KCTD1: variants seen among roughly 807,000 people sequenced by gnomAD.
KCTD1 encodes potassium channel tetramerization domain containing 1.
Under a neutral mutation model 66.0 loss-of-function variants are expected in KCTD1, and 24 were observed. That is an observed-to-expected ratio of 0.36 (90% CI 0.26 to 0.51). The LOEUF is 0.51. KCTD1 is among the 20% of genes least tolerant of loss of function. KCTD1 has a pLI of 0.95. For missense variants in KCTD1, 943 were observed against 1,205.2 expected (o/e 0.78, Z 3.22); for synonymous variants, 511 against 517.2 (o/e 0.99, Z 0.16).
At chr18:26,643,764 C>T (rs572996977), upstream of KCTD1, among the ~76,000 whole-genome samples, 352 of 152,284 alleles carry the variant, frequency 2.3e-3, 2 homozygotes, top group Non-Finnish European at 3.9e-3. Context: ...AGATGGAGAC[C>T]ATCCTGGCTA....
At chr18:26,632,593 T>A (rs759903425), upstream of KCTD1, among the ~76,000 whole-genome samples, 20 of 152,092 alleles carry the variant, frequency 1.3e-4, no homozygotes, top group Non-Finnish European at 2.8e-4. Context: ...TTTAAAAAAA[T>A]TAGAATTAGT....
intron 3 of KCTD1, among the ~76,000 whole-genome samples, chr18:26,463,262 C>G (rs1245210855): frequency 6.6e-6 from 1 of 152,056 alleles, no homozygotes; most frequent in African/African-American, 2.4e-5. Context: ...TCAAGACCAG[C>G]CTGGGCAACG....
intron 3 of KCTD1, among the ~76,000 whole-genome samples, chr18:26,465,838 C>T (rs1452991315): frequency 6.6e-6 from 1 of 152,176 alleles, no homozygotes; most frequent in Non-Finnish European, 1.5e-5. Context: ...GGCTGCTCTT[C>T]CATCCTCCCA....
intron 2 of KCTD1, among the ~76,000 whole-genome samples, chr18:26,485,943 T>G (rs1047829610): frequency 6.6e-6 from 1 of 151,764 alleles, no homozygotes; most frequent in African/African-American, 2.4e-5. Context: ...TCCTTTTTTT[T>G]TTTTTTTTTG....
intron 1 of KCTD1, among the ~76,000 whole-genome samples, chr18:26,504,460 A>G (rs1982927516): frequency 6.6e-6 from 1 of 152,136 alleles, no homozygotes; most frequent in Admixed American, 6.5e-5. Context: ...TGAACTCGTG[A>G]GCTCAAAGTG....
At chr18:26,616,989 A>C (rs961475746) in intron 1 of KCTD1, among the ~76,000 whole-genome samples, 2 of 152,260 alleles carry the variant, frequency 1.3e-5, no homozygotes, top group Non-Finnish European at 1.5e-5. Context: ...TGTGGAAAAC[A>C]AGCAAACCTT....
At chr18:26,469,670 G>A (rs899427616) in intron 3 of KCTD1, among the ~76,000 whole-genome samples, 6 of 151,992 alleles carry the variant, frequency 3.9e-5, no homozygotes, top group Non-Finnish European at 7.4e-5. Flanking sequence ...TTATATACAC[G>A]TTTTGTATTT....
chr18:26,475,328 A>AT (rs1981285249), intron 3 of KCTD1, among the ~76,000 whole-genome samples: 1 of 152,208 alleles, frequency 6.6e-6, no homozygotes, highest in African/African-American at 2.4e-5. Context: ...TGCACTGACT[A>AT]TATAGAATAA....
At chr18:26,644,410 C>A (rs1303647032), upstream of KCTD1, among the ~76,000 whole-genome samples, 1 of 151,882 alleles carries the variant, frequency 6.6e-6, no homozygotes. Context: ...TCCACTGAAC[C>A]CAGGCTGACT....
chr18:26,550,898 G>T (rs1442040491), upstream of KCTD1, among the ~76,000 whole-genome samples: 1 of 152,226 alleles, frequency 6.6e-6, no homozygotes, highest in Non-Finnish European at 1.5e-5. The surrounding 1 kb of genome is among the most constrained non-coding windows in gnomAD (Gnocchi z 5.4). Context: ...GGAGAACTCA[G>T]GTGGGTGCCC....
chr18:26,547,079 C>A lies in KCTD1; in HGVS notation c.1458G>T (p.Gly486=), dbSNP rs1567988647. The change falls in exon 1 of 5, where the codon GGG becomes GGT. Residue 486 remains glycine, a synonymous_variant. Transcript: ENST00000580059. ...PQGCYAEALN[G]AARHHSHHPP... is the part of the protein sequence containing the mutation. ...GGTGGTGGGAGTGGTGCCGTGCCGC[C>A]CCGTTCAGAGCCTCGGCGTAGCAGC... is the stretch of plus-strand genomic sequence containing the variant. 1 of 1,539,352 alleles carries A rather than the reference C, an allele frequency of 6.5e-7. No individual in the cohort carries two copies.
At chr18:26,513,176 C>T (rs1316776542) in intron 1 of KCTD1, among the ~76,000 whole-genome samples, 1 of 151,506 alleles carries the variant, frequency 6.6e-6, no homozygotes. Flanking sequence ...CAAGCTCCGC[C>T]TCCCGGGTTC....
chr18:26,548,515 C>G lies in KCTD1; in HGVS notation c.22G>C (p.Gly8Arg), dbSNP rs1001290065. The change falls in exon 1 of 5, where the codon GGG becomes CGG. Residue 8 changes from glycine (G) to arginine (R), a missense_variant. By Grantham distance (125) the Gly-to-Arg change is moderately radical. Around this residue, in one of 10 missense-constraint regions of KCTD1, gnomAD observed 236 missense variants for 206.6 expected, o/e 1.14. Coordinates refer to ENST00000580059, the MANE Select transcript of KCTD1 (RefSeq NM_001142730.3). Reference protein sequence around the residue: MARMPGSGDCNTSAGGSA... With the variant: MARMPGSRDCNTSAGGSA... ...CCGCCCGCGCTGGTGTTACAGTCCC[C>G]GCTGCCAGGCATTCTCGCCATATTG... 1.6e-6 allele frequency: 2 copies of G among 1,243,008 alleles called. No homozygotes were observed. The highest frequency in any genetic ancestry group is 1.6e-5 in the African/African-American group (1 of 63,998). 77.0% of individuals were successfully genotyped at this position (1,243,008 alleles called of 1,614,324 possible).
intron 1 of KCTD1, chr18:26,600,208 C>T: frequency 1.2e-6 from 2 of 1,600,440 alleles, no homozygotes; most frequent in African/African-American, 1.3e-5. Context: ...GATGAGCTCC[C>T]AGCCCAAGTC....
At chr18:26,583,393 CAAAAAAAAAAA>C (rs55720907) in intron 1 of KCTD1, among the ~76,000 whole-genome samples, 14 of 83,822 alleles carry the variant, frequency 1.7e-4, no homozygotes, top group African/African-American at 5.6e-4. Flanking sequence ...GACTTTGTCT[CAAAAAAAAAAA>C]AAAAAAAAAA....
intron 3 of KCTD1, among the ~76,000 whole-genome samples, chr18:26,461,071 C>T (rs543570018): frequency 5.9e-5 from 9 of 152,310 alleles, no homozygotes; most frequent in South Asian, 4.1e-4. Context: ...ACATGTGGTC[C>T]GAGTGCCTCA....
intron 1 of KCTD1, among the ~76,000 whole-genome samples, chr18:26,585,256 TAACA>T (rs745493462): frequency 2.3e-4 from 35 of 152,244 alleles, no homozygotes; most frequent in Non-Finnish European, 4.3e-4. Context: ...TAATGCCTTT[TAACA>T]AACACATTTT....
intron 1 of KCTD1, among the ~76,000 whole-genome samples, chr18:26,507,914 G>A (rs980813456): frequency 6.6e-6 from 1 of 152,056 alleles, no homozygotes; most frequent in Non-Finnish European, 1.5e-5. Flanking sequence ...GATCTGAGTG[G>A]TGACACAGTT....
In KCTD1 at chr18:26,538,829, C is replaced by T. The variant is rs1984835916; in HGVS notation, c.1809+7899G>A. Reference sequence around the variant, plus strand: ...CTGAGATTTGCTCCAGGGGATGTGGCTCTGGAGTCTGTTCTTAACCACTAT... The same window carrying T: ...CTGAGATTTGCTCCAGGGGATGTGGTTCTGGAGTCTGTTCTTAACCACTAT... On this transcript the variant is annotated intron_variant, in intron 1 of 4. Transcript: ENST00000580059. Among the ~76,000 whole-genome samples the T allele has an allele frequency of 5.3e-5, 8 of 152,162 alleles. No homozygotes were observed. The South Asian group carries it at 1.7e-3, about 32-fold the overall frequency.
Sources: allele counts gnomAD v4.1 joint callset (sites outside exome capture counted in the v4.1 genomes callset), GRCh38; gene constraint gnomAD v4.1.1; regional missense constraint gnomAD v4.1.1; non-coding constraint Gnocchi (gnomAD v3.1); transcripts MANE v1.5; gene names NCBI Gene and HGNC (gene_info 2026-07-23, HGNC 2026-07-21).